The following POLR1D variants were observed in gnomAD, a reference collection of about 807,000 sequenced individuals.
POLR1D encodes DNA-directed RNA polymerases I and III subunit RPAC2.
In POLR1D, 8 loss-of-function variants were observed where a neutral mutation model predicts 10.8. The observed-to-expected ratio is 0.74, with a 90% CI of 0.43 to 1.33. POLR1D has a LOEUF of 1.33. Among genes scored for constraint, POLR1D ranks in the 40% most tolerant of loss-of-function variants. The probability of loss-of-function intolerance (pLI) is 0.01; values close to 1 mark genes in which losing one functional copy is unlikely to be tolerated. For missense variants in POLR1D, 152 were observed against 161.7 expected, an observed-to-expected ratio of 0.94 and a Z score of 0.32; for synonymous variants, 54 against 57.2, an observed-to-expected ratio of 0.94 and a Z score of 0.25.
At chr13:27,659,441 C>T (rs914608859) in intron 2 of POLR1D, among the ~76,000 whole-genome samples, 2 of 152,196 alleles carry the variant, frequency 1.3e-5, no homozygotes, top group South Asian at 2.1e-4. Context: ...AGCCTTTATA[C>T]GTATAGAACA....
At chr13:27,644,507 T>C (rs1220390811) in intron 1 of POLR1D, among the ~76,000 whole-genome samples, 3 of 152,202 alleles carry the variant, frequency 2.0e-5, no homozygotes, top group Admixed American at 2.0e-4. Context: ...GTATGGAAAA[T>C]TGGCTGGAGA....
rs1294307482 is a variant in POLR1D, at chr13:27,663,510, G to A, written c.102-2176G>A. On this transcript the variant is annotated intron_variant, in intron 2 of 2. Coordinates refer to the POLR1D transcript ENST00000399697. This position sits in a 1 kb window ranked among gnomAD's most constrained non-coding sequence, Gnocchi z 4.1. ...CTTTGGGTCACTATGTTGAGTCAGTGGGTTACACTAGCAGTTGGAAGATAG... is the reference window on the plus strand; with the variant it reads ...CTTTGGGTCACTATGTTGAGTCAGTAGGTTACACTAGCAGTTGGAAGATAG... 6.6e-6 allele frequency among the ~76,000 whole-genome samples: 1 copy of A among 152,214 alleles called. No homozygotes were observed. Among genetic ancestry groups the A allele is most frequent in the Non-Finnish European group, 1.5e-5 (1 of 68,042 alleles).
upstream of POLR1D, chr13:27,621,873 G>C (rs1166694243): frequency 1.7e-6 from 2 of 1,162,026 alleles, 1 homozygote; most frequent in Admixed American, 4.0e-5. Flanking sequence ...TCCGTCCTCC[G>C]CGCCTTCCGT....
intron 2 of POLR1D, chr13:27,650,178 G>A (rs78182899): frequency 0.04 from 15,715 of 397,144 alleles, 401 homozygotes; most frequent in Non-Finnish European, 0.054. Flanking sequence ...ATGGAATATT[G>A]CCAAGCAAGG....
chr13:27,638,752 G>C (rs1190182385), intron 1 of POLR1D, among the ~76,000 whole-genome samples: 1 of 152,182 alleles, frequency 6.6e-6, no homozygotes, highest in African/African-American at 2.4e-5. Context: ...GTTTAGGACA[G>C]TCTACAGAGA....
intron 1 of POLR1D, among the ~76,000 whole-genome samples, chr13:27,644,024 G>A (rs1449349395): frequency 6.6e-6 from 1 of 152,128 alleles, no homozygotes; most frequent in Admixed American, 6.5e-5. Context: ...GACTTTTAAA[G>A]ACTGAGAGAG....
intron 1 of POLR1D, among the ~76,000 whole-genome samples, chr13:27,637,791 A>G (rs958840152): frequency 1.3e-5 from 2 of 151,170 alleles, no homozygotes; most frequent in African/African-American, 2.5e-5. Flanking sequence ...GTTTTAATAC[A>G]TTAAAAAAAA....
chr13:27,644,093 C>G (rs994818802), intron 1 of POLR1D, among the ~76,000 whole-genome samples: 3 of 152,158 alleles, frequency 2.0e-5, no homozygotes, highest in African/African-American at 7.2e-5. Context: ...CCTTCACCAT[C>G]ACAGGAAGAG....
intron 2 of POLR1D, among the ~76,000 whole-genome samples, chr13:27,654,533 C>T (rs540636348): frequency 6.6e-6 from 1 of 152,272 alleles, no homozygotes; most frequent in South Asian, 2.1e-4. Context: ...GCAATGAATA[C>T]TGGGAGTTGT....
In POLR1D at chr13:27,648,574, A is replaced by G. The variant is rs185121450; in HGVS notation, c.101+121A>G. The G allele has an allele frequency of 8.2e-4, 542 of 661,352 alleles. 1 individual carries two copies. The African/African-American group carries it at 9.0e-3, about 11-fold the overall frequency. The allele number at this position is 661,352 out of a possible 1,614,324, so 41.0% of individuals were successfully genotyped here. The stretch of plus-strand genomic sequence containing the variant: ...ACCATGGAAGCAGAGGAAATCTCTC[A>G]GAGACAAGTGTAGAGTAAGACACTG... On this transcript the variant is annotated intron_variant, in intron 2 of 2. Transcript: ENST00000399697.
chr13:27,652,698 C>T (rs1956276519), intron 2 of POLR1D, among the ~76,000 whole-genome samples: 1 of 151,948 alleles, frequency 6.6e-6, no homozygotes, highest in Non-Finnish European at 1.5e-5. Flanking sequence ...GGTGAAATCC[C>T]ATCTCTACTA....
downstream of POLR1D, among the ~76,000 whole-genome samples, chr13:27,628,207 C>T (rs1393870522): frequency 1.3e-5 from 2 of 152,172 alleles, no homozygotes; most frequent in Non-Finnish European, 2.9e-5. Context: ...GCGATCAGGG[C>T]AGTGAACAGC....
Position 27,623,404 on chromosome 13 carries a change from G to T in POLR1D, c.*154G>T. 4 of 1,465,336 alleles carry T rather than the reference G, an allele frequency of 2.7e-6. No individual in the cohort carries two copies. The South Asian group carries it at 5.3e-5, about 20-fold the overall frequency. 90.8% of individuals were successfully genotyped at this position (1,465,336 alleles called of 1,614,324 possible). Reference sequence around the variant, plus strand: ...ACCCCTTGCAGCTGTTGGAATCTCTGCAAGAACCTCTGTATTCTTCTAATA... The same window carrying T: ...ACCCCTTGCAGCTGTTGGAATCTCTTCAAGAACCTCTGTATTCTTCTAATA... On this transcript the variant is annotated 3_prime_UTR_variant, in exon 2 of 2. Transcript: ENST00000302979.
rs187436047 is a variant in POLR1D at position 27,663,427 on chromosome 13, T to C, written c.102-2259T>C. 3.3e-5 allele frequency among the ~76,000 whole-genome samples: 5 copies of C among 152,302 alleles called. No homozygotes were observed. The East Asian group carries it at 9.6e-4, about 29-fold the overall frequency. On this transcript the variant is annotated intron_variant, in intron 2 of 2. Transcript: ENST00000399697. The surrounding 1 kb of genome is among the most constrained non-coding windows in gnomAD (Gnocchi z 4.1). Reference sequence around the variant, plus strand: ...TGCATCTCTGATGTTAAAAGAGATGTAAATGCCAGTTTTCTTGTGGAATTA... The same window carrying C: ...TGCATCTCTGATGTTAAAAGAGATGCAAATGCCAGTTTTCTTGTGGAATTA...
rs553357664 is a variant in POLR1D, at chr13:27,623,343, A to G, written c.*93A>G. ...AATTAGAAGTTTGTGGTTACAGCAT[A>G]CTCTGTCCTTCAGAAAGGCGTGATT... On this transcript the variant is annotated 3_prime_UTR_variant, in exon 2 of 2. Transcript: ENST00000302979. 1.3e-6 allele frequency: 2 copies of G among 1,578,962 alleles called. No individual in the cohort carries two copies. Among genetic ancestry groups the G allele is most frequent in the Non-Finnish European group, 1.7e-6 (2 of 1,163,406 alleles).
intron 1 of POLR1D, among the ~76,000 whole-genome samples, chr13:27,644,858 T>C (rs1956204838): frequency 6.6e-6 from 1 of 152,224 alleles, no homozygotes; most frequent in Non-Finnish European, 1.5e-5. Context: ...TGTTAATGTT[T>C]CATAATCTTT....
At chr13:27,635,031 A>G (rs1024742006) in intron 1 of POLR1D, among the ~76,000 whole-genome samples, 17 of 152,118 alleles carry the variant, frequency 1.1e-4, no homozygotes, top group African/African-American at 3.4e-4. Flanking sequence ...ACTCATAAAG[A>G]TAACAGCTTT....
At chr13:27,647,749 TTTTC>T (rs1318704261) in intron 1 of POLR1D, among the ~76,000 whole-genome samples, 1 of 152,200 alleles carries the variant, frequency 6.6e-6, no homozygotes, top group Admixed American at 6.5e-5. Context: ...GTTTTCTGTT[TTTTC>T]TTTAATTGTT....
intron 1 of POLR1D, among the ~76,000 whole-genome samples, chr13:27,635,875 T>G (rs1279343445): frequency 6.6e-6 from 1 of 152,168 alleles, no homozygotes; most frequent in East Asian, 1.9e-4. Flanking sequence ...GGGACTCATT[T>G]TCTCACCACT....
Sources: allele counts gnomAD v4.1 joint callset (sites outside exome capture counted in the v4.1 genomes callset), GRCh38; gene constraint gnomAD v4.1.1; non-coding constraint Gnocchi (gnomAD v3.1); transcripts MANE v1.5; gene names NCBI Gene and HGNC (gene_info 2026-07-23, HGNC 2026-07-21).